The following RAI14 variants were observed in gnomAD, a reference collection of about 807,000 sequenced individuals.
RAI14 encodes the protein ankycorbin.
In RAI14, 45 loss-of-function variants were observed where a neutral mutation model predicts 115.4. The ratio of observed to expected loss-of-function variants is 0.39; its 90% confidence interval spans 0.31 to 0.50. The LOEUF (loss-of-function observed/expected upper bound fraction) is 0.50, where lower values mean the gene tolerates loss of function less well. Among genes scored for constraint, RAI14 ranks in the 20% least tolerant of loss-of-function variants. The probability of loss-of-function intolerance (pLI) is 0.85; values close to 1 mark genes in which losing one functional copy is unlikely to be tolerated. For missense variants in RAI14, 939 were observed against 1,131.2 expected (o/e 0.83, Z 2.44); for synonymous variants, 371 against 415.4 (o/e 0.89, Z 1.30).
rs370286228 is a variant in RAI14, at chr5:34,786,065, A to G, written c.168-9874A>G. On this transcript the variant is annotated intron_variant, in intron 3 of 17. Transcript: ENST00000265109. ...TGCAGCATACATCTGTGGCACTACC[A>G]TCTGTGGCAGGGGACAGACATTGTA... is the stretch of plus-strand genomic sequence containing the variant. Among the ~76,000 whole-genome samples, 291 of 152,342 alleles carry G rather than the reference A, an allele frequency of 1.9e-3. 1 individual carries two copies. The highest frequency in any genetic ancestry group is 6.5e-3 in the African/African-American group (269 of 41,568).
At chr5:34,698,565 G>A (rs1315782678) in intron 2 of RAI14, among the ~76,000 whole-genome samples, 1 of 152,098 alleles carries the variant, frequency 6.6e-6, no homozygotes, top group East Asian at 1.9e-4. Flanking sequence ...TTCATAGAAG[G>A]TGAGTTAGGG....
chr5:34,810,076 C>T (rs936519953), intron 7 of RAI14, among the ~76,000 whole-genome samples: 3 of 152,178 alleles, frequency 2.0e-5, no homozygotes, highest in Non-Finnish European at 2.9e-5. Flanking sequence ...TATAACTTCA[C>T]AGAGATAGTG....
At chr5:34,690,659 C>G (rs1005512125) in intron 2 of RAI14, among the ~76,000 whole-genome samples, 1 of 152,182 alleles carries the variant, frequency 6.6e-6, no homozygotes, top group Non-Finnish European at 1.5e-5. Flanking sequence ...GGGAATGAGC[C>G]TGACTCTGCG....
chr5:34,812,756 T>G (rs973724284), intron 10 of RAI14, among the ~76,000 whole-genome samples: 6 of 152,248 alleles, frequency 3.9e-5, no homozygotes, highest in Admixed American at 3.9e-4. Context: ...TTCATCTTTT[T>G]CTGAAATGTA....
intron 1 of RAI14, among the ~76,000 whole-genome samples, chr5:34,674,659 A>G (rs375007429): frequency 4.8e-5 from 7 of 147,306 alleles, no homozygotes; most frequent in African/African-American, 1.5e-4. Context: ...ATCTCACCTG[A>G]CTGCGACCTC....
At position 34,818,881 on chromosome 5, in the gene RAI14, TTC is replaced by T. The variant is rs774389757; in HGVS notation, c.994+31_994+32del. On this transcript the variant is annotated intron_variant, in intron 13 of 17. Transcript: ENST00000265109. ...GACAAGGAAGCATCTGTTTTTTTTT[TTC>T]CTTCAACCAAACTATTTCATGTCCA... is the stretch of plus-strand genomic sequence containing the variant. 2.5e-6 allele frequency: 4 copies of T among 1,576,268 alleles called. No homozygotes were observed. In the Admixed American group the frequency reaches 7.2e-5, roughly 28 times the overall value.
chr5:34,829,176 C>CGT (rs1757769974), intron 16 of RAI14, among the ~76,000 whole-genome samples: 4 of 87,272 alleles, frequency 4.6e-5, no homozygotes, highest in Middle Eastern at 6.0e-3. Flanking sequence ...CACACACACA[C>CGT]ATACACACAC....
chr5:34,757,617 T>C lies in RAI14; in HGVS notation c.167+19T>C. On this transcript the variant is annotated intron_variant, in intron 3 of 17. Coordinates refer to ENST00000265109, the MANE Select transcript of RAI14 (RefSeq NM_015577.3). Reference sequence around the variant, plus strand: ...AGACCGCGTAAGCTGAAACACTGGTTTGCAGATATGCTGGTTCTGGGTTTT... The same window carrying C: ...AGACCGCGTAAGCTGAAACACTGGTCTGCAGATATGCTGGTTCTGGGTTTT... 8 of 1,592,044 alleles carry C rather than the reference T, an allele frequency of 5.0e-6. No homozygotes were observed. Among genetic ancestry groups the C allele is most frequent in the Non-Finnish European group, 6.9e-6 (8 of 1,167,358 alleles).
Position 34,674,536 on chromosome 5 carries a change from C to T in RAI14, c.-48-12336C>T, listed in dbSNP as rs1743835626. On this transcript the variant is annotated intron_variant, in intron 1 of 17. Coordinates refer to ENST00000265109, the MANE Select transcript of RAI14 (RefSeq NM_015577.3). Reference sequence around the variant, plus strand: ...TCACTCTAAAGATATTTTTCATAACCAATTCCTTTGTATATGGGTCTCCCT... The same window carrying T: ...TCACTCTAAAGATATTTTTCATAACTAATTCCTTTGTATATGGGTCTCCCT... Among the ~76,000 whole-genome samples, 3 of 151,766 alleles carry T rather than the reference C, an allele frequency of 2.0e-5. No homozygotes were observed. The South Asian group carries it at 6.2e-4, about 32-fold the overall frequency.
chr5:34,748,809 A>T (rs1406718334), intron 2 of RAI14, among the ~76,000 whole-genome samples: 1 of 115,690 alleles, frequency 8.6e-6, no homozygotes, highest in Non-Finnish European at 1.8e-5. Flanking sequence ...AAATTAAAAA[A>T]ATAAAAATTA....
At chr5:34,725,225 A>C (rs1481844649) in intron 2 of RAI14, among the ~76,000 whole-genome samples, 1 of 152,164 alleles carries the variant, frequency 6.6e-6, no homozygotes, top group Non-Finnish European at 1.5e-5. Context: ...AGTCTGCAAA[A>C]GGATTCAAAT....
intron 2 of RAI14, among the ~76,000 whole-genome samples, chr5:34,699,635 G>A (rs76030302): frequency 0.016 from 2,469 of 152,258 alleles, 53 homozygotes; most frequent in African/African-American, 0.057. Context: ...AGACATTGGG[G>A]GTTAGGGCTT....
At chr5:34,732,438 G>GTT (rs1744311005) in intron 2 of RAI14, among the ~76,000 whole-genome samples, 1 of 116,404 alleles carries the variant, frequency 8.6e-6, no homozygotes, top group African/African-American at 3.8e-5. Flanking sequence ...TACCATGCTT[G>GTT]ATTTTTTTTT....
chr5:34,758,211 C>T (rs1204015926), intron 3 of RAI14, among the ~76,000 whole-genome samples: 1 of 152,156 alleles, frequency 6.6e-6, no homozygotes, highest in Non-Finnish European at 1.5e-5. Context: ...TGTGTAATCT[C>T]TGAACCTCAG....
intron 3 of RAI14, among the ~76,000 whole-genome samples, chr5:34,766,642 A>C (rs1343087924): frequency 6.6e-6 from 1 of 152,122 alleles, no homozygotes; most frequent in Non-Finnish European, 1.5e-5. Flanking sequence ...GCCTTGTCTC[A>C]GATGCGACTT....
At chr5:34,759,262 CA>C (rs1337989267) in intron 3 of RAI14, among the ~76,000 whole-genome samples, 1 of 150,550 alleles carries the variant, frequency 6.6e-6, no homozygotes, top group Non-Finnish European at 1.5e-5. Context: ...GACTCTGTAT[CA>C]AAGGGAAAAA....
intron 2 of RAI14, chr5:34,716,981 T>G (rs966537836): frequency 6.6e-6 from 1 of 152,336 alleles, no homozygotes; most frequent in African/African-American, 2.4e-5. Flanking sequence ...GAAATGCTGC[T>G]TCTTTATTAT....
At chr5:34,680,819 C>T (rs1744330302) in intron 1 of RAI14, among the ~76,000 whole-genome samples, 1 of 152,192 alleles carries the variant, frequency 6.6e-6, no homozygotes. Context: ...CAGTATTTAA[C>T]ACCTACTTAT....
At chr5:34,682,968 T>C (rs958035889) in intron 1 of RAI14, among the ~76,000 whole-genome samples, 6 of 152,216 alleles carry the variant, frequency 3.9e-5, no homozygotes, top group African/African-American at 1.4e-4. Flanking sequence ...GCCTGGGCTT[T>C]AGAAGTTTGG....
Sources: allele counts gnomAD v4.1 joint callset (sites outside exome capture counted in the v4.1 genomes callset), GRCh38; gene constraint gnomAD v4.1.1; transcripts MANE v1.5; gene names NCBI Gene and HGNC (gene_info 2026-07-23, HGNC 2026-07-21).